The following CSGALNACT1 variants were observed in gnomAD, a reference collection of about 807,000 sequenced individuals.
CSGALNACT1 encodes the protein chondroitin sulfate N-acetylgalactosaminyltransferase 1, also known as beta4GalNAcT-1.
In CSGALNACT1, 52 loss-of-function variants were observed where a neutral mutation model predicts 51.0. The ratio of observed to expected loss-of-function variants is 1.02; its 90% CI spans 0.82 to 1.29. The LOEUF (loss-of-function observed/expected upper bound fraction) is 1.29. CSGALNACT1 is among the 50% of genes most tolerant of loss of function. The pLI is 0.00. For missense variants in CSGALNACT1, 935 were observed against 679.2 expected, an observed-to-expected ratio of 1.38 and a Z score of -4.19; for synonymous variants, 341 against 254.4, an observed-to-expected ratio of 1.34 and a Z score of -3.24.
At chr8:19,501,562 G>A (rs2076420770) in intron 4 of CSGALNACT1, among the ~76,000 whole-genome samples, 1 of 152,218 alleles carries the variant, frequency 6.6e-6, no homozygotes, top group African/African-American at 2.4e-5. Flanking sequence ...GAGGCTGGAG[G>A]AGGATGAGCC....
chr8:19,405,138 G>A (rs927694887), exon 10 of CSGALNACT1: 2 of 451,016 alleles, frequency 4.4e-6, no homozygotes, highest in Admixed American at 2.4e-5. Flanking sequence ...TAACTCACAA[G>A]GGAAAAAAAG....
chr8:19,629,455 G>A (rs1234399874), intron 1 of CSGALNACT1, among the ~76,000 whole-genome samples: 1 of 152,206 alleles, frequency 6.6e-6, no homozygotes, highest in Non-Finnish European at 1.5e-5. Context: ...CCATTTCATA[G>A]ATATGGAAAC....
At position 19,667,045 on chromosome 8, in the gene CSGALNACT1, A is replaced by G. The variant is rs1401519324; in HGVS notation, c.-544+15428T>C. Among the ~76,000 whole-genome samples, 3 of 84,588 alleles carry G rather than the reference A, an allele frequency of 3.5e-5. 1 individual carries two copies. The highest frequency in any genetic ancestry group is 1.3e-4 in the African/African-American group (3 of 22,300). 55.5% of individuals were successfully genotyped at this position (84,588 alleles called of 152,430 possible). A position where few individuals can be genotyped will look rare whatever the true frequency, so the allele number is the denominator to read the frequency against. The stretch of plus-strand genomic sequence containing the variant: ...GAAGGAAGGAAGGAAGGAAGGAAGA[A>G]AGAAAGAAAGAAAGAAAGAAAGAAA... On this transcript the variant is annotated intron_variant, in intron 1 of 9. Transcript: ENST00000332246.
At chr8:19,735,525 C>G (rs886827169) in intron 1 of CSGALNACT1, among the ~76,000 whole-genome samples, 4 of 91,260 alleles carry the variant, frequency 4.4e-5, no homozygotes, top group Non-Finnish European at 8.8e-5. Flanking sequence ...GAAAAAAAAC[C>G]ATGCTGCAAA....
chr8:19,541,828 A>G (rs768589880), intron 3 of CSGALNACT1, among the ~76,000 whole-genome samples: 1 of 152,044 alleles, frequency 6.6e-6, no homozygotes, highest in Non-Finnish European at 1.5e-5. Flanking sequence ...CTATTTTCCT[A>G]TTCTTAAAAT....
intron 6 of CSGALNACT1, among the ~76,000 whole-genome samples, chr8:19,424,186 G>T (rs530462234): frequency 6.8e-4 from 104 of 152,334 alleles, no homozygotes; most frequent in Middle Eastern, 3.4e-3. Context: ...ACAGAAGGCA[G>T]GGTGGGGACA....
chr8:19,535,287 T>C (rs1280429393), intron 3 of CSGALNACT1, among the ~76,000 whole-genome samples: 3 of 152,224 alleles, frequency 2.0e-5, no homozygotes, highest in East Asian at 1.9e-4. Flanking sequence ...CGTGTTCTTC[T>C]AGCACCTCAA....
chr8:19,475,681 T>C (rs187695889), intron 4 of CSGALNACT1, among the ~76,000 whole-genome samples: 43 of 152,292 alleles, frequency 2.8e-4, no homozygotes, highest in Admixed American at 1.4e-3. Context: ...ACTTAAATAC[T>C]GAAGATGAGG....
At chr8:19,596,535 G>C (rs1293614164) in intron 2 of CSGALNACT1, among the ~76,000 whole-genome samples, 1 of 151,096 alleles carries the variant, frequency 6.6e-6, no homozygotes, top group Non-Finnish European at 1.5e-5. Flanking sequence ...AAAAACAAGT[G>C]AGAAAGAGAG....
chr8:19,705,217 G>A (rs2062090434), intron 1 of CSGALNACT1, among the ~76,000 whole-genome samples: 1 of 152,032 alleles, frequency 6.6e-6, no homozygotes, highest in African/African-American at 2.4e-5. Flanking sequence ...TAAACTTGGG[G>A]GAAAAACAAA....
chr8:19,676,980 G>T (rs1028145978), intron 1 of CSGALNACT1, among the ~76,000 whole-genome samples: 12 of 152,188 alleles, frequency 7.9e-5, no homozygotes, highest in Non-Finnish European at 1.8e-4. Flanking sequence ...GACCAGTCTC[G>T]TAGAGGACTA....
At chr8:19,670,038 C>G (rs1323824218) in intron 1 of CSGALNACT1, among the ~76,000 whole-genome samples, 1 of 152,108 alleles carries the variant, frequency 6.6e-6, no homozygotes, top group African/African-American at 2.4e-5. Context: ...CTACCTACTC[C>G]TACCTACCAA....
intron 3 of CSGALNACT1, among the ~76,000 whole-genome samples, chr8:19,533,530 G>A (rs898032749): frequency 2.3e-4 from 35 of 151,908 alleles, no homozygotes; most frequent in South Asian, 2.1e-4. Context: ...GATTTTCTTC[G>A]CTAGTGTACC....
intron 4 of CSGALNACT1, among the ~76,000 whole-genome samples, chr8:19,462,026 C>G (rs1378731100): frequency 6.6e-6 from 1 of 152,140 alleles, no homozygotes; most frequent in Non-Finnish European, 1.5e-5. Context: ...CACACAGCAG[C>G]CACATTCGCC....
chr8:19,539,782 C>A (rs1405119002), intron 3 of CSGALNACT1, among the ~76,000 whole-genome samples: 1 of 152,166 alleles, frequency 6.6e-6, no homozygotes, highest in Non-Finnish European at 1.5e-5. Context: ...TCTCCACCCC[C>A]TTCCAGAGGC....
chr8:19,599,167 G>A (rs961397479), intron 2 of CSGALNACT1, among the ~76,000 whole-genome samples: 2 of 151,812 alleles, frequency 1.3e-5, no homozygotes, highest in Non-Finnish European at 2.9e-5. Flanking sequence ...TCAGGGGAGG[G>A]GGAGCACAGA....
At chr8:19,535,431 G>T (rs142882067) in intron 3 of CSGALNACT1, among the ~76,000 whole-genome samples, 94 of 152,236 alleles carry the variant, frequency 6.2e-4, no homozygotes, top group Middle Eastern at 3.4e-3. Flanking sequence ...ATTTTAAAAG[G>T]ATCTCTCTAT....
At chr8:19,539,564 T>C (rs1440221233) in intron 3 of CSGALNACT1, among the ~76,000 whole-genome samples, 1 of 152,072 alleles carries the variant, frequency 6.6e-6, no homozygotes, top group Non-Finnish European at 1.5e-5. Flanking sequence ...AATTGTTAAG[T>C]AGAAAAAGAG....
chr8:19,426,099 C>G (rs569761190), intron 6 of CSGALNACT1, among the ~76,000 whole-genome samples: 1 of 152,298 alleles, frequency 6.6e-6, no homozygotes, highest in South Asian at 2.1e-4. Context: ...CAGAGATTAT[C>G]CAGCACTGTG....
Sources: allele counts gnomAD v4.1 joint callset (sites outside exome capture counted in the v4.1 genomes callset), GRCh38; gene constraint gnomAD v4.1.1; transcripts MANE v1.5; gene names NCBI Gene and HGNC (gene_info 2026-07-23, HGNC 2026-07-21).